Variants in SAMD12 observed in about 807,000 individuals in gnomAD.
SAMD12 encodes the protein sterile alpha motif domain containing 12, also known as sterile alpha motif domain-containing protein 12.
In SAMD12, 9 loss-of-function variants were observed where a neutral mutation model predicts 15.0. The observed-to-expected ratio is 0.60, with a 90% confidence interval of 0.36 to 1.05. The LOEUF is 1.05. SAMD12 is among the 50% of genes least tolerant of loss of function. The pLI is 0.01. For synonymous variants in SAMD12, 86 were observed against 90.1 expected (o/e 0.96, Z 0.25); for missense variants, 230 against 234.2 (o/e 0.98, Z 0.12).
chr8:118,363,586 C>G (rs989385994), intron 4 of SAMD12, among the ~76,000 whole-genome samples: 1 of 152,118 alleles, frequency 6.6e-6, no homozygotes, highest in South Asian at 2.1e-4. Context: ...TCCTGGTCCT[C>G]AAGCCTTTAC....
At chr8:118,577,403 A>C (rs769321563) in intron 2 of SAMD12, among the ~76,000 whole-genome samples, 1 of 152,174 alleles carries the variant, frequency 6.6e-6, no homozygotes, top group Non-Finnish European at 1.5e-5. Flanking sequence ...AGGGTAGATT[A>C]AGCACATGCT....
chr8:118,164,535 A>G, the SAMD12 span, among the ~76,000 whole-genome samples: 1 of 152,144 alleles, frequency 6.6e-6, no homozygotes, highest in African/African-American at 2.4e-5. Context: ...AGCTCTTCCA[A>G]CATAAGCTGT....
intron 2 of SAMD12, among the ~76,000 whole-genome samples, chr8:118,457,046 G>A (rs1370214522): frequency 2.6e-5 from 4 of 152,168 alleles, no homozygotes; most frequent in Non-Finnish European, 5.9e-5. Flanking sequence ...TATCTCACAT[G>A]TTTGCTATAA....
Position 118,213,445 on chromosome 8 carries a change from G to A in SAMD12, c.434-15713C>T, listed in dbSNP as rs17485008. On this transcript the variant is annotated intron_variant, in intron 4 of 4. Transcript: ENST00000409003. ...GTTATTCCAAATATCAGCAGCCACC[G>A]CAGCTGAACAAGCAGCCAACTGCCT... 4.3e-3 allele frequency among the ~76,000 whole-genome samples: 652 copies of A among 152,286 alleles called. 3 individuals are homozygous for A. The highest frequency in any genetic ancestry group is 0.015 in the African/African-American group (612 of 41,568).
intron 2 of SAMD12, among the ~76,000 whole-genome samples, chr8:118,514,760 A>T (rs1446922106): frequency 6.6e-6 from 1 of 152,242 alleles, no homozygotes; most frequent in East Asian, 1.9e-4. Flanking sequence ...GAAAAAACTT[A>T]ACATTGGGAA....
chr8:118,537,543 A>C (rs1825879116), intron 2 of SAMD12, among the ~76,000 whole-genome samples: 1 of 152,122 alleles, frequency 6.6e-6, no homozygotes, highest in African/African-American at 2.4e-5. Flanking sequence ...TCTTCTGCTC[A>C]ATCAATTCTG....
At chr8:118,566,794 T>C (rs1826864969) in intron 2 of SAMD12, among the ~76,000 whole-genome samples, 1 of 152,196 alleles carries the variant, frequency 6.6e-6, no homozygotes, top group African/African-American at 2.4e-5. Context: ...TTTAGGCTTA[T>C]CATTTCCAGA....
chr8:118,229,245 G>A (rs1336493163), intron 4 of SAMD12, among the ~76,000 whole-genome samples: 2 of 151,822 alleles, frequency 1.3e-5, no homozygotes, highest in African/African-American at 4.8e-5. Flanking sequence ...ACTTACTCAT[G>A]TAACCAAATA....
intron 2 of SAMD12, among the ~76,000 whole-genome samples, chr8:118,447,544 T>A (rs2130906915): frequency 6.6e-6 from 1 of 151,422 alleles, no homozygotes; most frequent in African/African-American, 2.4e-5. Context: ...ACCTCGTGAT[T>A]TGCCTGCCTC....
chr8:118,555,947 CTTGGTAT>C (rs1249711777), intron 2 of SAMD12, among the ~76,000 whole-genome samples: 1 of 152,174 alleles, frequency 6.6e-6, no homozygotes, highest in African/African-American at 2.4e-5. Flanking sequence ...ATTACCAGTC[CTTGGTAT>C]TTGGTGCTTT....
intron 4 of SAMD12, among the ~76,000 whole-genome samples, chr8:118,315,188 G>T (rs192140102): frequency 6.6e-6 from 1 of 152,160 alleles, no homozygotes; most frequent in East Asian, 1.9e-4. Context: ...ATTTGCTTTT[G>T]GTGAATGCTG....
chr8:118,179,532 A>C, the SAMD12 span, among the ~76,000 whole-genome samples: 5 of 151,978 alleles, frequency 3.3e-5, no homozygotes, highest in African/African-American at 1.2e-4. Context: ...TTGGAATAGG[A>C]GATGCAGAGG....
chr8:118,539,365 C>T (rs1203184615), intron 2 of SAMD12, among the ~76,000 whole-genome samples: 1 of 152,174 alleles, frequency 6.6e-6, no homozygotes, highest in Non-Finnish European at 1.5e-5. Context: ...GTGATAATTA[C>T]CCTAGAAGAA....
the SAMD12 span, among the ~76,000 whole-genome samples, chr8:118,172,055 T>C: frequency 2.6e-5 from 4 of 151,628 alleles, no homozygotes; most frequent in Non-Finnish European, 5.9e-5. Flanking sequence ...AAATGAACAA[T>C]GAGAATACTT....
At chr8:118,569,845 G>C (rs111409682) in intron 2 of SAMD12, among the ~76,000 whole-genome samples, 3 of 152,340 alleles carry the variant, frequency 2.0e-5, no homozygotes, top group African/African-American at 7.2e-5. Flanking sequence ...ATTTGTTACA[G>C]CAGCTGAGGC....
intron 4 of SAMD12, among the ~76,000 whole-genome samples, chr8:118,333,015 G>A (rs1290967723): frequency 6.6e-6 from 1 of 152,190 alleles, no homozygotes; most frequent in Admixed American, 6.5e-5. Context: ...GACTCTTGCA[G>A]GCAGGGAATG....
intron 2 of SAMD12, among the ~76,000 whole-genome samples, chr8:118,566,600 A>T (rs745880954): frequency 6.6e-6 from 1 of 152,122 alleles, no homozygotes; most frequent in Non-Finnish European, 1.5e-5. Context: ...GGGTTAAATG[A>T]TATCTTTTAT....
At chr8:118,173,838 C>A in the SAMD12 span, among the ~76,000 whole-genome samples, 6 of 151,924 alleles carry the variant, frequency 3.9e-5, no homozygotes, top group Admixed American at 6.6e-5. Flanking sequence ...CCATGTTGGC[C>A]AGGCTAGTCT....
In SAMD12 at chr8:118,531,361, G is replaced by A. The variant is rs182290298; in HGVS notation, c.192+49354C>T. Among the ~76,000 whole-genome samples the A allele has an allele frequency of 3.9e-4, 59 of 152,272 alleles. No homozygotes were observed. The East Asian group carries it at 8.7e-3, about 22-fold the overall frequency. The stretch of plus-strand genomic sequence containing the variant: ...GTAGTATAGTTTGAAGTCAGGTAGC[G>A]TGATGCCTCCAGCTTTGTTCTTTTT... On this transcript the variant is annotated intron_variant, in intron 2 of 3. Coordinates refer to ENST00000314727, the MANE Select transcript of SAMD12 (RefSeq NM_207506.3).
Sources: allele counts gnomAD v4.1 joint callset (sites outside exome capture counted in the v4.1 genomes callset), GRCh38; gene constraint gnomAD v4.1.1; transcripts MANE v1.5; gene names NCBI Gene and HGNC (gene_info 2026-07-23, HGNC 2026-07-21).